TIA1: variants seen among roughly 807,000 people sequenced by gnomAD.
TIA1 encodes TIA1 cytotoxic granule associated RNA binding protein.
Under a neutral mutation model 65.9 loss-of-function variants are expected in TIA1, and 23 were observed. The ratio of observed to expected loss-of-function variants is 0.35; its 90% CI spans 0.25 to 0.49. The LOEUF (loss-of-function observed/expected upper bound fraction) is 0.49. Among genes scored for constraint, TIA1 ranks in the 20% least tolerant of loss-of-function variants. The pLI is 0.98. For synonymous variants in TIA1, 147 were observed against 149.4 expected, an observed-to-expected ratio of 0.98 and a Z score of 0.12; for missense variants, 371 against 477.9, an observed-to-expected ratio of 0.78 and a Z score of 2.09.
chr2:70,222,202 AAG>A (rs1475460309), intron 7 of TIA1, among the ~76,000 whole-genome samples: 6 of 152,194 alleles, frequency 3.9e-5, no homozygotes, highest in Non-Finnish European at 7.3e-5. Flanking sequence ...TTGAAAAGGC[AAG>A]AGAGATGGGG....
intron 1 of TIA1, among the ~76,000 whole-genome samples, chr2:70,247,655 G>A (rs1431597981): frequency 6.6e-6 from 1 of 152,020 alleles, no homozygotes; most frequent in Non-Finnish European, 1.5e-5. Context: ...CTGTAAATAT[G>A]TTAGGGCATT....
At chr2:70,243,187 AGG>A (rs145139385) in intron 1 of TIA1, among the ~76,000 whole-genome samples, 1,565 of 152,304 alleles carry the variant, frequency 0.01, 23 homozygotes, top group African/African-American at 0.036. Context: ...CCACTTTGGG[AGG>A]CTAAGGTGGG....
In TIA1 at chr2:70,248,413, G is replaced by C. The variant is rs1020288909; in HGVS notation, c.18C>G (p.Pro6=). The C allele has an allele frequency of 1.2e-6, 2 of 1,600,514 alleles. No individual in the cohort carries two copies. Among genetic ancestry groups the C allele is most frequent in the South Asian group, 1.1e-5 (1 of 91,074 alleles). MEDEM[P]KTLYVGNLSR... is the part of the protein sequence containing the mutation. ...CGCTGCCCCAGACTCACAGAGTCTT[G>C]GGCATCTCGTCCTCCATGGCTGCTG... The change falls in exon 1 of 13, where the codon CCC becomes CCG. Residue 6 remains proline (P), a synonymous_variant. Coordinates refer to ENST00000433529, the MANE Select transcript of TIA1 (RefSeq NM_022173.4).
chr2:70,234,722 C>T (rs1198280231), intron 2 of TIA1, among the ~76,000 whole-genome samples: 3 of 151,998 alleles, frequency 2.0e-5, no homozygotes, highest in South Asian at 2.1e-4. Context: ...CCACCATGTC[C>T]GGCTAATTTT....
chr2:70,221,639 A>C (rs182701430), intron 7 of TIA1, among the ~76,000 whole-genome samples: 263 of 152,290 alleles, frequency 1.7e-3, no homozygotes, highest in African/African-American at 5.7e-3. Context: ...ACAATTGTTC[A>C]GGGCTGGCAG....
intron 2 of TIA1, among the ~76,000 whole-genome samples, chr2:70,235,190 T>A (rs1301791979): frequency 6.6e-6 from 1 of 151,994 alleles, no homozygotes. Context: ...CCAAGACAGG[T>A]GGATCACCTG....
intron 3 of TIA1, among the ~76,000 whole-genome samples, 185 bp from the exon 4 acceptor site, chr2:70,229,503 A>G (rs1252308018): frequency 6.6e-6 from 1 of 152,172 alleles, no homozygotes; most frequent in African/African-American, 2.4e-5. Flanking sequence ...ACAAATCCTA[A>G]TCTTTATGTG....
At chr2:70,228,446 G>C in intron 5 of TIA1, 1 of 1,283,302 alleles carries the variant, frequency 7.8e-7, no homozygotes, top group Non-Finnish European at 1.0e-6. Flanking sequence ...GTGAATCCAT[G>C]TGCAAGTGAA....
chr2:70,236,257 G>T, intron 1 of TIA1, 82 bp from the exon 2 acceptor site: 1 of 879,114 alleles, frequency 1.1e-6, no homozygotes, highest in Non-Finnish European at 1.8e-6. Context: ...AGAGTGCAAT[G>T]GCACGATCTC....
At chr2:70,239,053 G>C (rs1467229124) in intron 1 of TIA1, among the ~76,000 whole-genome samples, 3 of 152,110 alleles carry the variant, frequency 2.0e-5, no homozygotes, top group Non-Finnish European at 4.4e-5. Flanking sequence ...CCAGGTGACA[G>C]AGCAAAACTC....
intron 6 of TIA1, chr2:70,225,094 C>T (rs1683224416): frequency 1.0e-6 from 1 of 992,390 alleles, no homozygotes. Flanking sequence ...ACTAATTAAA[C>T]TATTTAATTT....
chr2:70,227,848 G>A, intron 5 of TIA1, 26 bp from the exon 6 acceptor site: 1 of 1,493,636 alleles, frequency 6.7e-7, no homozygotes, highest in Non-Finnish European at 9.2e-7. Context: ...AAGGGGAAGT[G>A]AAAAGAAAAA....
rs1052505450 is a variant in TIA1, at chr2:70,212,471, G to A, written c.*248C>T. The A allele has an allele frequency of 3.0e-5, 10 of 336,674 alleles. No individual in the cohort carries two copies. The highest frequency in any genetic ancestry group is 5.7e-5 in the Non-Finnish European group (10 of 176,566). 20.9% of individuals were successfully genotyped at this position (336,674 alleles called of 1,614,324 possible). The stretch of plus-strand genomic sequence containing the variant: ...GGCAGCAATCCCTGCATTTGTGTTT[G>A]AAACAAGGATCTGAGAAACTTTATC... On this transcript the variant is annotated 3_prime_UTR_variant, in exon 13 of 13. Coordinates refer to ENST00000433529, the MANE Select transcript of TIA1 (RefSeq NM_022173.4).
intron 1 of TIA1, among the ~76,000 whole-genome samples, chr2:70,239,495 C>A (rs1016384628): frequency 2.6e-5 from 4 of 152,286 alleles, no homozygotes; most frequent in Admixed American, 2.0e-4. Flanking sequence ...TCAGGGAATG[C>A]AGTCTCCCCA....
chr2:70,218,669 G>A (rs905133287), intron 7 of TIA1, among the ~76,000 whole-genome samples: 4 of 152,262 alleles, frequency 2.6e-5, no homozygotes, highest in South Asian at 4.1e-4. Context: ...TCCTGACCTC[G>A]TGATCCGCCT....
At chr2:70,243,712 G>A (rs1229431129) in intron 1 of TIA1, among the ~76,000 whole-genome samples, 1 of 152,144 alleles carries the variant, frequency 6.6e-6, no homozygotes, top group Non-Finnish European at 1.5e-5. Flanking sequence ...TAACATTTTA[G>A]ATAACTGATA....
intron 7 of TIA1, among the ~76,000 whole-genome samples, chr2:70,223,906 A>G (rs902180051): frequency 2.6e-5 from 4 of 151,736 alleles, no homozygotes; most frequent in Non-Finnish European, 4.4e-5. Context: ...GTTCCTATCC[A>G]TCACAGTATT....
At chr2:70,239,273 T>C (rs998308080) in intron 1 of TIA1, among the ~76,000 whole-genome samples, 4 of 152,178 alleles carry the variant, frequency 2.6e-5, no homozygotes, top group South Asian at 4.2e-4. Flanking sequence ...TTTGTATTTT[T>C]AGTAGAGATG....
Position 70,215,354 on chromosome 2 carries a change from G to A in TIA1, c.888+17C>T. On this transcript the variant is annotated intron_variant, in intron 11 of 12. Transcript: ENST00000433529. The stretch of plus-strand genomic sequence containing the variant: ...ATTAGCCCAACAATTACTTCTCAAA[G>A]TTAAGAACCCTCTCACCTGTTGCAC... 1 of 1,612,824 alleles carries A rather than the reference G, an allele frequency of 6.2e-7. No individual in the cohort carries two copies. Among genetic ancestry groups the A allele is most frequent in the Non-Finnish European group, 8.5e-7 (1 of 1,179,664 alleles).
Sources: gnomAD v4.1 joint callset for allele counts (sites outside exome capture counted in the v4.1 genomes callset) on GRCh38, gnomAD v4.1.1 for gene constraint, MANE v1.5 for transcripts, NCBI Gene and HGNC (gene_info 2026-07-23, HGNC 2026-07-21) for gene names.